The following GPRIN2 variants were observed in gnomAD, a reference collection of about 807,000 sequenced individuals.
GPRIN2 encodes G protein regulated inducer of neurite outgrowth 2.
GPRIN2 carries 1 observed loss-of-function variant against 0.3 expected under a neutral mutation model. The observed-to-expected ratio is 3.90, with a 90% CI of 1.39 to 18.51. The LOEUF (loss-of-function observed/expected upper bound fraction) is 18.51, where lower values mean the gene tolerates loss of function less well. Ranked by LOEUF, GPRIN2 falls within the 30% of genes most tolerant of loss-of-function variation. The probability of loss-of-function intolerance (pLI) is 0.11; values close to 1 mark genes in which losing one functional copy is unlikely to be tolerated. For synonymous variants in GPRIN2, 361 were observed against 258.6 expected, an observed-to-expected ratio of 1.40 and a Z score of -3.80; for missense variants, 880 against 604.2, an observed-to-expected ratio of 1.46 and a Z score of -4.79.
chr10:46,544,714 C>T lies in GPRIN2; in HGVS notation c.*4646G>A, dbSNP rs1842008013. 6.6e-6 allele frequency among the ~76,000 whole-genome samples: 1 copy of T among 152,310 alleles called. No individual in the cohort carries two copies. Among genetic ancestry groups the T allele is most frequent in the Non-Finnish European group, 1.5e-5 (1 of 68,058 alleles). Reference sequence around the variant, plus strand: ...GTAAAAGTTGAGAAAGGGAAGTGGCCACCACAGAACCAGTTCTGCTGAGAA... The same window carrying T: ...GTAAAAGTTGAGAAAGGGAAGTGGCTACCACAGAACCAGTTCTGCTGAGAA... On this transcript the variant is annotated 3_prime_UTR_variant, in exon 3 of 3. Transcript: ENST00000374314.
rs570249207 is a variant in GPRIN2, at chr10:46,550,688, G to C, written c.49C>G (p.Arg17Gly). 6.6e-7 allele frequency: 1 copy of C among 1,511,042 alleles called. No homozygotes were observed. The highest frequency in any genetic ancestry group is 1.4e-5 in the South Asian group (1 of 73,552). 93.6% of individuals were successfully genotyped at this position (1,511,042 alleles called of 1,614,324 possible). The part of the protein sequence containing the change: ...EPGPWAPLSP[R>G]LQPLSQSSSS... ...GAGCTCTGGGACAGGGGCTGAAGGCGGGGGCTCAGGGGTGCCCAGGGACCC... is the reference window on the plus strand; with the variant it reads ...GAGCTCTGGGACAGGGGCTGAAGGCCGGGGCTCAGGGGTGCCCAGGGACCC... The change falls in exon 3 of 3, where the codon CGC becomes GGC. Residue 17 changes from arginine (R) to glycine (G), a missense_variant. Arg to Gly is a moderately radical substitution (Grantham distance 125). Coordinates refer to ENST00000374314, the MANE Select transcript of GPRIN2 (RefSeq NM_001385282.1).
rs1831808703 is a variant in GPRIN2, at chr10:46,556,638, C to T, written c.-258G>A. ...GCCGCCCGCCGCCGTCGGCCCGGCC[C>T]GCGGAGCAAGCGCCGGGTACAGGGA... On this transcript the variant is annotated 5_prime_UTR_variant, in exon 1 of 3. Transcript: ENST00000374314. Among the ~76,000 whole-genome samples the T allele has an allele frequency of 7.0e-4, 106 of 151,980 alleles. No individual in the cohort carries two copies. Among genetic ancestry groups the T allele is most frequent in the African/African-American group, 2.4e-3 (100 of 41,466 alleles).
chr10:46,542,663 T>G lies in GPRIN2; in HGVS notation c.*6697A>C, dbSNP rs1369348398. Reference sequence around the variant, plus strand: ...TAAATTACCCAGTCTCAGGCAGTTCTTTATAGCAGCATGAAAATGGACTAA... The same window carrying G: ...TAAATTACCCAGTCTCAGGCAGTTCGTTATAGCAGCATGAAAATGGACTAA... On this transcript the variant is annotated 3_prime_UTR_variant, in exon 3 of 3. Coordinates refer to ENST00000374314, the MANE Select transcript of GPRIN2 (RefSeq NM_001385282.1). Among the ~76,000 whole-genome samples the G allele has an allele frequency of 6.6e-6, 1 of 152,308 alleles. No homozygotes were observed. Among genetic ancestry groups the G allele is most frequent in the African/African-American group, 2.4e-5 (1 of 41,486 alleles).
rs1832634875 is a variant in GPRIN2 at position 46,549,674 on chromosome 10, C to A, written c.1063G>T (p.Glu355Ter). 6.2e-7 allele frequency: 1 copy of A among 1,614,140 alleles called. No individual in the cohort carries two copies. The highest frequency in any genetic ancestry group is 8.5e-7 in the Non-Finnish European group (1 of 1,179,960). The change falls in exon 3 of 3, where the codon GAA becomes TAA. Residue 355 changes from glutamate (E) to a stop codon, truncating the protein, a stop_gained. Transcript: ENST00000374314. LOFTEE classifies it low-confidence loss of function (END_TRUNC). ...AACACATGCAGGGCTGCAGGCGCTT[C>A]CAGGGACGGACTGGTGGCCACAGCC... ...CKAVATSPSL[E>*]APAALHVFPE... is the part of the protein sequence containing the mutation.
In GPRIN2 at chr10:46,548,653, C is replaced by T. The variant is rs1345892192; in HGVS notation, c.*707G>A. 1.3e-5 allele frequency among the ~76,000 whole-genome samples: 2 copies of T among 152,304 alleles called. No individual in the cohort carries two copies. The highest frequency in any genetic ancestry group is 4.8e-5 in the African/African-American group (2 of 41,484). On this transcript the variant is annotated 3_prime_UTR_variant, in exon 3 of 3. Transcript: ENST00000374314. ...CCTCTGTCTCATTCACCACAGAATC[C>T]ACAGAACCCAGCACAGAGTATGAGC...
rs1206018863 is a variant in GPRIN2 at position 46,545,639 on chromosome 10, G to GA, written c.*3720dup. On this transcript the variant is annotated 3_prime_UTR_variant, in exon 3 of 3. Transcript: ENST00000374314. ...AGCTGTGGGGCGAGGAACCTGGAAA[G>GA]AGGCTCTGAACAAGGGACTTTTAAG... Among the ~76,000 whole-genome samples, 2 of 152,304 alleles carry GA rather than the reference G, an allele frequency of 1.3e-5. No homozygotes were observed. Among genetic ancestry groups the GA allele is most frequent in the African/African-American group, 4.8e-5 (2 of 41,486 alleles).
In GPRIN2 at chr10:46,549,387, G is replaced by A. The variant is rs1832736327; in HGVS notation, c.1350C>T (p.Cys450=). The A allele has an allele frequency of 6.0e-6, 9 of 1,491,972 alleles. No homozygotes were observed. Among genetic ancestry groups the A allele is most frequent in the South Asian group, 2.8e-5 (2 of 72,374 alleles). The allele number at this position is 1,491,972 out of a possible 1,614,324, so 92.4% of individuals were successfully genotyped here. ...VMQSLRRPSC[C]GCSGAAPE ...ACTCGGGGGCCGCGCCGGAGCAGCCGCAGCAGCTGGGGCGCCGCAGGGACT... is the reference window on the plus strand; with the variant it reads ...ACTCGGGGGCCGCGCCGGAGCAGCCACAGCAGCTGGGGCGCCGCAGGGACT... Residue 450 remains cysteine (C), a synonymous_variant, in exon 3 of 3, where the codon TGC becomes TGT. Transcript: ENST00000374314.
rs1206840873 is a variant in GPRIN2, at chr10:46,548,862, G to A, written c.*498C>T. 6.6e-6 allele frequency among the ~76,000 whole-genome samples: 1 copy of A among 152,312 alleles called. No individual in the cohort carries two copies. The highest frequency in any genetic ancestry group is 6.5e-5 in the Admixed American group (1 of 15,294). On this transcript the variant is annotated 3_prime_UTR_variant, in exon 3 of 3. Transcript: ENST00000374314. ...TTGCCAGGATGAAGAGGTGAAGACA[G>A]GACAAGCACAGTATGTGGCACACAG... is the stretch of plus-strand genomic sequence containing the variant.
rs1555019817 is a variant in GPRIN2, at chr10:46,550,358, T to C, written c.379A>G (p.Ser127Gly). ...MQRSHSDLVRSTQMRGHSGAR... is the reference protein window; with the variant it reads ...MQRSHSDLVRGTQMRGHSGAR... ...CCACTGTGTCCCCGCATCTGGGTGC[T>C]ACGGACCAGGTCTGAATGGCTCCTC... Residue 127 changes from serine (S) to glycine (G), a missense_variant, in exon 3 of 3, where the codon AGC (serine) becomes GGC (glycine). By Grantham distance (56) the Ser-to-Gly change is moderately conservative (BLOSUM62 0). Coordinates refer to ENST00000374314, the MANE Select transcript of GPRIN2 (RefSeq NM_001385282.1). 1.9e-6 allele frequency: 3 copies of C among 1,612,866 alleles called. No individual in the cohort carries two copies. Among genetic ancestry groups the C allele is most frequent in the Admixed American group, 1.7e-5 (1 of 59,998 alleles).
At chr10:46,553,166 G>C (rs1315181283) in intron 2 of GPRIN2, among the ~76,000 whole-genome samples, 4 of 152,310 alleles carry the variant, frequency 2.6e-5, no homozygotes, top group African/African-American at 9.6e-5. Context: ...ACACACCTGT[G>C]GGGCAGCTGA....
chr10:46,549,630 C>T lies in GPRIN2; in HGVS notation c.1107G>A (p.Gly369=), dbSNP rs1832648053. ...GGGACGGCACCTCCTCCAGGCTGGA[C>T]CCCAGAGTTACCTCTGGGAACACAT... ...ALHVFPEVTL[G]SSLEEVPSPV... Residue 369 remains glycine, a synonymous_variant, in exon 3 of 3, where the codon GGG becomes GGA. Coordinates refer to ENST00000374314, the MANE Select transcript of GPRIN2 (RefSeq NM_001385282.1). 1 of 1,614,226 alleles carries T rather than the reference C, an allele frequency of 6.2e-7. No individual in the cohort carries two copies. Among genetic ancestry groups the T allele is most frequent in the Non-Finnish European group, 8.5e-7 (1 of 1,179,998 alleles).
intron 2 of GPRIN2, among the ~76,000 whole-genome samples, chr10:46,553,878 G>C (rs1832021074): frequency 1.7e-3 from 259 of 152,224 alleles, no homozygotes; most frequent in African/African-American, 5.8e-3. Flanking sequence ...TCTGAGGGGA[G>C]TACTGGGGGA....
chr10:46,553,298 T>A (rs1842820192), intron 2 of GPRIN2, among the ~76,000 whole-genome samples: 1 of 152,308 alleles, frequency 6.6e-6, no homozygotes, highest in African/African-American at 2.4e-5. Flanking sequence ...ACTGAGTGGA[T>A]CTCCACCTGC....
chr10:46,557,107 C>T (rs1166896422), upstream of GPRIN2, among the ~76,000 whole-genome samples: 2 of 152,286 alleles, frequency 1.3e-5, no homozygotes, highest in Non-Finnish European at 2.9e-5. Context: ...TTCCTCTCGC[C>T]TTCTCCATCC....
At position 46,544,793 on chromosome 10, in the gene GPRIN2, GGT is replaced by G. The variant is rs1832971845; in HGVS notation, c.*4565_*4566del. Among the ~76,000 whole-genome samples, 7,074 of 146,990 alleles carry G rather than the reference GGT, an allele frequency of 0.048. 1 individual carries two copies. Among genetic ancestry groups the G allele is most frequent in the South Asian group, 0.17 (731 of 4,364 alleles). On this transcript the variant is annotated 3_prime_UTR_variant, in exon 3 of 3. Transcript: ENST00000374314. ...TCCTTCCATGGCCATGGGAAAAAGGGGTGTGTGCTGTTGGTGTGAGAGATCTG... is the reference window on the plus strand; with the variant it reads ...TCCTTCCATGGCCATGGGAAAAAGGGGTGTGCTGTTGGTGTGAGAGATCTG...
Position 46,549,615 on chromosome 10 carries a change from C to G in GPRIN2, c.1122G>C (p.Glu374Asp), listed in dbSNP as rs782407953. The G allele has an allele frequency of 2.5e-6, 4 of 1,613,942 alleles. No individual in the cohort carries two copies. In the African/African-American group the frequency reaches 5.3e-5, roughly 22 times the overall value. Residue 374 changes from glutamate to aspartate, a missense_variant, in exon 3 of 3, where the codon GAG becomes GAC. Coordinates refer to ENST00000374314, the MANE Select transcript of GPRIN2 (RefSeq NM_001385282.1). ...GCACATCCCGCACAGGGGACGGCAC[C>G]TCCTCCAGGCTGGACCCCAGAGTTA... ...PEVTLGSSLE[E>D]VPSPVRDVRW... is the part of the protein sequence containing the mutation.
At chr10:46,556,858 C>G (rs1843302387), upstream of GPRIN2, among the ~76,000 whole-genome samples, 1 of 152,292 alleles carries the variant, frequency 6.6e-6, no homozygotes, top group South Asian at 2.1e-4. Context: ...TTCGGCCCCG[C>G]CCGCACCACG....
chr10:46,551,806 T>C (rs1832159701), intron 2 of GPRIN2, among the ~76,000 whole-genome samples: 158 of 152,292 alleles, frequency 1.0e-3, no homozygotes, highest in African/African-American at 3.7e-3. Context: ...CTGGGGCCCC[T>C]TTCCCGACCC....
In GPRIN2 at chr10:46,549,520, G is replaced by A; in HGVS notation, c.1217C>T (p.Ala406Val). The A allele has an allele frequency of 6.2e-7, 1 of 1,612,838 alleles. No homozygotes were observed. Among genetic ancestry groups the A allele is most frequent in the Non-Finnish European group, 8.5e-7 (1 of 1,179,138 alleles). ...CTGCATCTCCAGGTGCTTCTGGATGGCCACACCGAGCACCTCCAGGTCCAC... is the reference window on the plus strand; with the variant it reads ...CTGCATCTCCAGGTGCTTCTGGATGACCACACCGAGCACCTCCAGGTCCAC... Reference protein sequence around the residue: ...AAVDLEVLGVAIQKHLEMQFE... With the variant: ...AAVDLEVLGVVIQKHLEMQFE... Residue 406 changes from alanine (A) to valine (V), a missense_variant, in exon 3 of 3, where the codon GCC becomes GTC. Transcript: ENST00000374314.
Sources: allele counts gnomAD v4.1 joint callset (sites outside exome capture counted in the v4.1 genomes callset), GRCh38; gene constraint gnomAD v4.1.1; transcripts MANE v1.5; gene names NCBI Gene and HGNC (gene_info 2026-07-23, HGNC 2026-07-21).